The following CYP24A1 variants were observed in gnomAD, a reference collection of about 807,000 sequenced individuals.
The protein encoded by CYP24A1 is 1,25-dihydroxyvitamin D(3) 24-hydroxylase, mitochondrial.
Under a neutral mutation model 62.4 loss-of-function variants are expected in CYP24A1, and 68 were observed. That is an observed-to-expected ratio of 1.09 (90% CI 0.90 to 1.33). CYP24A1 has a LOEUF of 1.33. Ranked by LOEUF, CYP24A1 falls within the 40% of genes most tolerant of loss-of-function variation. CYP24A1 has a pLI of 0.00. For synonymous variants in CYP24A1, 267 were observed against 253.0 expected (o/e 1.06, Z -0.52); for missense variants, 787 against 653.0 (o/e 1.21, Z -2.24).
At position 54,153,650 on chromosome 20, in the gene CYP24A1, T is replaced by G. The variant is rs564857266; in HGVS notation, c.*1122A>C. ...TAAAAATATAATGTAGGAAGAAATATTTATCAAATACACAGAATTATATAC... is the reference window on the plus strand; with the variant it reads ...TAAAAATATAATGTAGGAAGAAATAGTTATCAAATACACAGAATTATATAC... On this transcript the variant is annotated 3_prime_UTR_variant, in exon 12 of 12. Coordinates refer to ENST00000216862, the MANE Select transcript of CYP24A1 (RefSeq NM_000782.5). 15 of 152,760 alleles carry G rather than the reference T, an allele frequency of 9.8e-5. No homozygotes were observed. In the East Asian group the frequency reaches 2.7e-3, roughly 27 times the overall value. 9.5% of individuals were successfully genotyped at this position (152,760 alleles called of 1,614,324 possible).
At chr20:54,151,623 T>A (rs1246659507), downstream of CYP24A1, among the ~76,000 whole-genome samples, 1 of 152,066 alleles carries the variant, frequency 6.6e-6, no homozygotes, top group Non-Finnish European at 1.5e-5. Context: ...CTCGGCTCAC[T>A]GCAACCTCCG....
chr20:54,167,482 CA>C, intron 4 of CYP24A1, among the ~76,000 whole-genome samples: 1 of 152,230 alleles, frequency 6.6e-6, no homozygotes, highest in East Asian at 1.9e-4. Context: ...TTAAAAAACA[CA>C]AAAGTTAGTC....
chr20:54,165,782 G>A lies in CYP24A1; in HGVS notation c.692C>T (p.Ala231Val). Reference protein sequence around the residue: ...EKRFGLLQKNAGDEAVNFIMA... With the variant: ...EKRFGLLQKNVGDEAVNFIMA... ...GATGAAGTTCACAGCTTCATCCCCT[G>A]CATTCTTCTGGAGAAGCCCAAATCT... The change falls in exon 5 of 12, where the codon GCA (alanine) becomes GTA (valine). Residue 231 changes from alanine (A) to valine (V), a missense_variant. Transcript: ENST00000216862. 1.3e-6 allele frequency: 2 copies of A among 1,544,542 alleles called. No homozygotes were observed. The highest frequency in any genetic ancestry group is 1.8e-6 in the Non-Finnish European group (2 of 1,116,292).
chr20:54,168,554 T>G (rs932666874), intron 4 of CYP24A1, among the ~76,000 whole-genome samples: 3 of 152,206 alleles, frequency 2.0e-5, no homozygotes, highest in African/African-American at 7.2e-5. Context: ...CTCTGCTGCC[T>G]GGAACAATCC....
chr20:54,173,909 T>G lies in CYP24A1; in HGVS notation c.-330A>C. 2.4e-6 allele frequency: 1 copy of G among 418,842 alleles called. No individual in the cohort carries two copies. The highest frequency in any genetic ancestry group is 3.2e-5 in the South Asian group (1 of 31,110). 25.9% of individuals were successfully genotyped at this position (418,842 alleles called of 1,614,324 possible). On this transcript the variant is annotated 5_prime_UTR_variant, in exon 1 of 12. Transcript: ENST00000216862. This position sits in a 1 kb window ranked among gnomAD's most constrained non-coding sequence, Gnocchi z 7.2. ...GTCCGCAAGGCTGACCTCTAGGGTCTGGCTGGAGCCACGGGGAGGTGTCAA... is the reference window on the plus strand; with the variant it reads ...GTCCGCAAGGCTGACCTCTAGGGTCGGGCTGGAGCCACGGGGAGGTGTCAA...
At chr20:54,163,762 T>A (rs1249169417) in intron 6 of CYP24A1, among the ~76,000 whole-genome samples, 1 of 152,198 alleles carries the variant, frequency 6.6e-6, no homozygotes, top group Non-Finnish European at 1.5e-5. Context: ...AACTGTAATC[T>A]GTAGTAGACC....
chr20:54,152,418 T>C (rs1034768511), downstream of CYP24A1, among the ~76,000 whole-genome samples: 5 of 152,308 alleles, frequency 3.3e-5, no homozygotes, highest in East Asian at 9.6e-4. Context: ...CCCTTCCTCA[T>C]CCTGCTGTCC....
intron 4 of CYP24A1, among the ~76,000 whole-genome samples, chr20:54,167,484 A>G (rs1285733873): frequency 6.6e-6 from 1 of 152,284 alleles, no homozygotes; most frequent in East Asian, 1.9e-4. Context: ...AAAAAACACA[A>G]AAGTTAGTCA....
At chr20:54,164,609 C>T in intron 5 of CYP24A1, 46 bp from the exon 6 acceptor site, 1 of 1,613,760 alleles carries the variant, frequency 6.2e-7, no homozygotes, top group East Asian at 2.2e-5. Flanking sequence ...CTCCTTCTCT[C>T]AAAGACAATG....
chr20:54,165,636 T>C, intron 5 of CYP24A1, 106 bp downstream of exon 5: 1 of 774,052 alleles, frequency 1.3e-6, no homozygotes, highest in South Asian at 1.4e-5. Flanking sequence ...ACTATTGAAA[T>C]AAAATATGTG....
At chr20:54,155,049 A>C (rs2092622644) in intron 11 of CYP24A1, 1 of 151,628 alleles carries the variant, frequency 6.6e-6, no homozygotes, top group East Asian at 1.9e-4. Context: ...CAAAGAAAAA[A>C]TGCTAAAACT....
At chr20:54,149,071 C>A (rs1405378402), downstream of CYP24A1, among the ~76,000 whole-genome samples, 1 of 152,156 alleles carries the variant, frequency 6.6e-6, no homozygotes, top group African/African-American at 2.4e-5. Context: ...TTTTGGTTTG[C>A]CCCTGTACCC....
chr20:54,164,184 C>T (rs2092662641), intron 6 of CYP24A1, among the ~76,000 whole-genome samples: 1 of 152,186 alleles, frequency 6.6e-6, no homozygotes, highest in African/African-American at 2.4e-5. Flanking sequence ...GATCTGCTCG[C>T]CTGGGCCACC....
intron 9 of CYP24A1, 145 bp downstream of exon 9, chr20:54,157,941 T>C (rs1398147727): frequency 1.4e-6 from 2 of 1,395,446 alleles, no homozygotes; most frequent in Non-Finnish European, 1.9e-6. Flanking sequence ...AATTCTATAC[T>C]ATGCAACATG....
chr20:54,160,613 AG>A (rs1471422440), intron 7 of CYP24A1, among the ~76,000 whole-genome samples: 9 of 152,256 alleles, frequency 5.9e-5, no homozygotes, highest in South Asian at 2.1e-4. Context: ...CATTATTATA[AG>A]AGTCTAATTT....
rs534857361 is a variant in CYP24A1 at position 54,165,166 on chromosome 20, C to T, written c.732+576G>A. On this transcript the variant is annotated intron_variant, in intron 5 of 11. Transcript: ENST00000216862. ...GTCAGTGGCCTGTTAGGAACGGGGC[C>T]GCGCAGCAGGAGGTGATCAGCGGGC... Among the ~76,000 whole-genome samples the T allele has an allele frequency of 3.3e-4, 51 of 152,376 alleles. 1 individual carries two copies. The highest frequency in any genetic ancestry group is 1.1e-3 in the African/African-American group (46 of 41,590).
At position 54,171,654 on chromosome 20, in the gene CYP24A1, G is replaced by T. The variant is rs776404100; in HGVS notation, c.466C>A (p.Gln156Lys). 9.9e-6 allele frequency: 16 copies of T among 1,613,746 alleles called. No homozygotes were observed. Among genetic ancestry groups the T allele is most frequent in the Admixed American group, 1.7e-5 (1 of 59,980 alleles). The stretch of plus-strand genomic sequence containing the variant: ...TTTTGAAAGGCACTCCGGACCCGCT[G>T]CCAGTCTTCCCCTTCCCTGTGAGAG... ...GLLILEGEDW[Q>K]RVRSAFQKKL... Residue 156 changes from glutamine (Q) to lysine (K), a missense_variant, in exon 3 of 12, where the codon CAG becomes AAG. Physicochemically the swap from Gln to Lys is moderately conservative, Grantham distance 53. Transcript: ENST00000216862.
intron 8 of CYP24A1, among the ~76,000 whole-genome samples, chr20:54,158,459 T>C (rs2092637708): frequency 6.6e-6 from 1 of 152,226 alleles, no homozygotes; most frequent in Non-Finnish European, 1.5e-5. Context: ...TGCTAGCCCT[T>C]GAAGCGTGAT....
chr20:54,157,969 T>C (rs1481712761), intron 9 of CYP24A1, 117 bp downstream of exon 9: 7 of 1,520,220 alleles, frequency 4.6e-6, no homozygotes, highest in Non-Finnish European at 6.2e-6. Flanking sequence ...TTCTCTACCA[T>C]CTCTGCATTC....
Sources: allele counts gnomAD v4.1 joint callset (sites outside exome capture counted in the v4.1 genomes callset), GRCh38; gene constraint gnomAD v4.1.1; non-coding constraint Gnocchi (gnomAD v3.1); transcripts MANE v1.5; gene names NCBI Gene and HGNC (gene_info 2026-07-23, HGNC 2026-07-21).